Variants in SSX2IP observed in about 807,000 individuals in gnomAD.
The protein encoded by SSX2IP is SSX family member 2 interacting protein.
Under a neutral mutation model 84.9 loss-of-function variants are expected in SSX2IP, and 55 were observed. That is an observed-to-expected ratio of 0.65 (90% CI 0.52 to 0.81). SSX2IP has a LOEUF of 0.81. Among genes scored for constraint, SSX2IP ranks in the 30% least tolerant of loss-of-function variants. SSX2IP has a pLI of 0.00. For missense variants in SSX2IP, 664 were observed against 705.2 expected (o/e 0.94, Z 0.66); for synonymous variants, 239 against 234.7 (o/e 1.02, Z -0.17).
intron 13 of SSX2IP, chr1:84,649,709 A>G (rs1649946962): frequency 6.5e-6 from 2 of 306,966 alleles, no homozygotes; most frequent in Non-Finnish European, 1.3e-5. Context: ...CTTACTAGGA[A>G]TGTTCTACCT....
chr1:84,675,702 A>G (rs531961547), intron 1 of SSX2IP, among the ~76,000 whole-genome samples: 1 of 152,308 alleles, frequency 6.6e-6, no homozygotes, highest in South Asian at 2.1e-4. Context: ...ATTGCTTCCT[A>G]TGCCCTATTA....
intron 10 of SSX2IP, 91 bp downstream of exon 10, chr1:84,656,257 C>G: frequency 7.7e-7 from 1 of 1,299,970 alleles, no homozygotes. Context: ...AATACCAGGG[C>G]CTTATGAAAT....
At chr1:84,678,369 A>G (rs1385001137) in intron 1 of SSX2IP, among the ~76,000 whole-genome samples, 1 of 152,178 alleles carries the variant, frequency 6.6e-6, no homozygotes, top group Non-Finnish European at 1.5e-5. Context: ...TCCTTCTTGC[A>G]CGTATTTCAA....
intron 6 of SSX2IP, 84 bp downstream of exon 6, chr1:84,664,333 T>C: frequency 2.4e-6 from 3 of 1,252,936 alleles, no homozygotes; most frequent in Non-Finnish European, 3.1e-6. Context: ...TTTCGTGAGT[T>C]ACTGTGTTCA....
intron 1 of SSX2IP, among the ~76,000 whole-genome samples, chr1:84,689,368 G>A (rs1172443021): frequency 2.0e-5 from 3 of 152,080 alleles, no homozygotes; most frequent in Non-Finnish European, 4.4e-5. Flanking sequence ...AAAGGTCCAT[G>A]ACATCCATCA....
chr1:84,669,964 C>G, intron 3 of SSX2IP, 71 bp from the exon 4 acceptor site: 1 of 1,091,234 alleles, frequency 9.2e-7, no homozygotes, highest in Non-Finnish European at 1.3e-6. Flanking sequence ...TACAAACTTT[C>G]AGTTAGATAG....
intron 2 of SSX2IP, 106 bp from the exon 3 acceptor site, chr1:84,670,921 T>G: frequency 1.2e-6 from 1 of 843,256 alleles, no homozygotes; most frequent in Non-Finnish European, 1.8e-6. Flanking sequence ...CATATAAACA[T>G]AGATATAATA....
chr1:84,648,462 G>A (rs960061627), intron 13 of SSX2IP, among the ~76,000 whole-genome samples: 5 of 152,112 alleles, frequency 3.3e-5, no homozygotes, highest in African/African-American at 1.2e-4. Flanking sequence ...ATGTTTTTAA[G>A]TGCTTTACAT....
intron 8 of SSX2IP, among the ~76,000 whole-genome samples, chr1:84,659,532 A>T (rs938004898): frequency 6.6e-6 from 1 of 152,208 alleles, no homozygotes; most frequent in Non-Finnish European, 1.5e-5. Flanking sequence ...GCGGTGGCTC[A>T]TGCCTGTATG....
At position 84,645,426 on chromosome 1, in the gene SSX2IP, T is replaced by C. The variant is rs1649349186; in HGVS notation, c.*2007A>G. 1 of 152,182 alleles carries C rather than the reference T, an allele frequency of 6.6e-6. No individual in the cohort carries two copies. The highest frequency in any genetic ancestry group is 6.5e-5 in the Admixed American group (1 of 15,278). 9.4% of individuals were successfully genotyped at this position (152,182 alleles called of 1,614,324 possible). A position where few individuals can be genotyped will look rare whatever the true frequency, so the allele number is the denominator to read the frequency against. ...TTACTCTGCTGTTTCTTTCACACTT[T>C]AGATTTTAAAAGTACGTCTCAAGGA... On this transcript the variant is annotated 3_prime_UTR_variant, in exon 14 of 14. Coordinates refer to ENST00000342203, the MANE Select transcript of SSX2IP (RefSeq NM_001166293.2).
chr1:84,655,882 CA>C lies in SSX2IP; in HGVS notation c.1338del (p.Phe446LeufsTer30). 1 of 1,614,006 alleles carries C rather than the reference CA, an allele frequency of 6.2e-7. No individual in the cohort carries two copies. The highest frequency in any genetic ancestry group is 1.1e-5 in the South Asian group (1 of 91,068). The part of the protein sequence containing the change: ...WSLFKEQKKN[F>X]ERERRSFTEA... The stretch of plus-strand genomic sequence containing the variant: ...TCTGTAAAGCTTCGTCTCTCCCTCT[CA>C]AAATTCTTTTTCTGCTCTTTAAAAA... On this transcript the variant is annotated frameshift_variant, in exon 11 of 14. Coordinates refer to ENST00000342203, the MANE Select transcript of SSX2IP (RefSeq NM_001166293.2). LOFTEE classifies it high-confidence loss of function.
At chr1:84,656,720 C>A (rs916437502) in intron 9 of SSX2IP, among the ~76,000 whole-genome samples, 7 of 152,212 alleles carry the variant, frequency 4.6e-5, no homozygotes, top group African/African-American at 1.7e-4. Flanking sequence ...TACAGGAGTT[C>A]ATGACGACAA....
chr1:84,680,349 T>C (rs1245654985), intron 1 of SSX2IP: 5 of 152,170 alleles, frequency 3.3e-5, no homozygotes, highest in African/African-American at 9.7e-5. Context: ...GACTAAATGG[T>C]CCTGAACATA....
chr1:84,670,649 A>G lies in SSX2IP; in HGVS notation c.210T>C (p.Asp70=). 6.3e-7 allele frequency: 1 copy of G among 1,588,948 alleles called. No homozygotes were observed. Among genetic ancestry groups the G allele is most frequent in the Non-Finnish European group, 8.6e-7 (1 of 1,167,626 alleles). ...GTTTTTTACAAAAACATGTTACCTGATCAAGATATGAGATACTCTGTTCAA... is the reference window on the plus strand; with the variant it reads ...GTTTTTTACAAAAACATGTTACCTGGTCAAGATATGAGATACTCTGTTCAA... The part of the protein sequence containing the change: ...DNIEQSISYL[D]QELTTFGFPS... The change falls in exon 3 of 14, where the codon GAT becomes GAC. Residue 70 remains aspartate (D), a synonymous_variant. Coordinates refer to ENST00000342203, the MANE Select transcript of SSX2IP (RefSeq NM_001166293.2).
chr1:84,669,625 T>A lies in SSX2IP; in HGVS notation c.426+56A>T, dbSNP rs140218621. The A allele has an allele frequency of 1.5e-3, 2,138 of 1,382,974 alleles. 2 individuals are homozygous for A. The highest frequency in any genetic ancestry group is 2.0e-3 in the Non-Finnish European group (1,943 of 990,922). The allele number at this position is 1,382,974 out of a possible 1,614,324, so 85.7% of individuals were successfully genotyped here. A position where few individuals can be genotyped will look rare whatever the true frequency, so the allele number is the denominator to read the frequency against. ...AAATATTTAATAAAGTCAGTAAAAA[T>A]TTATAGTACTCAATTATATAATTAT... On this transcript the variant is annotated intron_variant, in intron 4 of 13. Coordinates refer to ENST00000342203, the MANE Select transcript of SSX2IP (RefSeq NM_001166293.2).
At position 84,646,662 on chromosome 1, in the gene SSX2IP, T is replaced by A. The variant is rs565133486; in HGVS notation, c.*771A>T. ...AATAGTCCTTTTAAAAATTATAATA[T>A]TCTACATATACAAAATAAAAATCTA... On this transcript the variant is annotated 3_prime_UTR_variant, in exon 14 of 14. Transcript: ENST00000342203. The A allele has an allele frequency of 1.3e-5, 2 of 152,552 alleles. No individual in the cohort carries two copies. The highest frequency in any genetic ancestry group is 4.8e-5 in the African/African-American group (2 of 41,440). The allele number at this position is 152,552 out of a possible 1,614,324, so 9.4% of individuals were successfully genotyped here. A position where few individuals can be genotyped will look rare whatever the true frequency, so the allele number is the denominator to read the frequency against.
intron 5 of SSX2IP, 22 bp from the exon 6 acceptor site, chr1:84,664,574 A>T: frequency 6.4e-7 from 1 of 1,559,546 alleles, no homozygotes; most frequent in Non-Finnish European, 8.6e-7. Context: ...ATTTGCTATT[A>T]TAAGCCCAGT....
chr1:84,669,442 C>T (rs1653220662), intron 4 of SSX2IP, among the ~76,000 whole-genome samples: 1 of 151,986 alleles, frequency 6.6e-6, no homozygotes. Context: ...TAAATATTTC[C>T]TAATCTAACT....
intron 11 of SSX2IP, chr1:84,655,356 G>A (rs1193956491): frequency 9.1e-7 from 1 of 1,098,444 alleles, no homozygotes; most frequent in East Asian, 7.3e-5. Context: ...AATTTTTGAA[G>A]GGGGAATATG....
Sources: allele counts gnomAD v4.1 joint callset (sites outside exome capture counted in the v4.1 genomes callset), GRCh38; gene constraint gnomAD v4.1.1; transcripts MANE v1.5; gene names NCBI Gene and HGNC (gene_info 2026-07-23, HGNC 2026-07-21).